ACER2: variants seen among roughly 807,000 people sequenced by gnomAD.
ACER2 encodes the protein alkaline ceramidase 2, also known as alkCDase 2.
A neutral mutation model predicts 34.7 loss-of-function variants in ACER2; 26 were observed. The ratio of observed to expected loss-of-function variants is 0.75; its 90% CI spans 0.55 to 1.04. ACER2 has a LOEUF of 1.04. Ranked by LOEUF, ACER2 falls within the 50% of genes least tolerant of loss-of-function variation. The probability of loss-of-function intolerance (pLI) is 0.00; values close to 1 mark genes in which losing one functional copy is unlikely to be tolerated. For synonymous variants in ACER2, 138 were observed against 132.1 expected (o/e 1.04, Z -0.31); for missense variants, 352 against 340.8 (o/e 1.03, Z -0.26).
At chr9:19,415,143 G>T (rs530840455) in intron 1 of ACER2, among the ~76,000 whole-genome samples, 1 of 152,282 alleles carries the variant, frequency 6.6e-6, no homozygotes, top group African/African-American at 2.4e-5. Context: ...AGTATTATTT[G>T]AAGCATATGG....
intron 1 of ACER2, chr9:19,409,995 TC>T: frequency 1.1e-6 from 1 of 939,102 alleles, no homozygotes; most frequent in African/African-American, 1.8e-5. Context: ...AGGAAATGCC[TC>T]TTATTTTGTG....
At chr9:19,442,955 C>G (rs1223179094) in intron 4 of ACER2, among the ~76,000 whole-genome samples, 1 of 151,822 alleles carries the variant, frequency 6.6e-6, no homozygotes, top group African/African-American at 2.4e-5. Flanking sequence ...ACCTCAGCCT[C>G]CCGAGTAGCT....
At chr9:19,424,576 T>C (rs990731932) in intron 2 of ACER2, 124 bp from the exon 3 acceptor site, 9 of 1,496,340 alleles carry the variant, frequency 6.0e-6, no homozygotes, top group Non-Finnish European at 7.1e-6. Context: ...TCAGTTTCTT[T>C]TTTCAGAGAG....
At chr9:19,429,176 G>T (rs573107784) in intron 3 of ACER2, among the ~76,000 whole-genome samples, 1 of 152,092 alleles carries the variant, frequency 6.6e-6, no homozygotes, top group East Asian at 1.9e-4. Flanking sequence ...TAAATGTTGG[G>T]TTTATAGAAA....
At chr9:19,414,443 T>A (rs1269385298) in intron 1 of ACER2, among the ~76,000 whole-genome samples, 1 of 152,228 alleles carries the variant, frequency 6.6e-6, no homozygotes, top group Non-Finnish European at 1.5e-5. Context: ...GCAAATGTTA[T>A]GTGGAAATTC....
chr9:19,441,813 G>T (rs1831165584), intron 4 of ACER2, among the ~76,000 whole-genome samples: 1 of 152,276 alleles, frequency 6.6e-6, no homozygotes, highest in South Asian at 2.1e-4. Context: ...TTGTTTCCCT[G>T]CTTTGATAAA....
chr9:19,424,700 G>T lies in ACER2; in HGVS notation c.224G>T (p.Gly75Val), dbSNP rs777627557. Residue 75 changes from glycine to valine, a missense_variant and splice_region_variant, in exon 3 of 6, where the codon GGA (glycine) becomes GTA (valine). Physicochemically the swap from Gly to Val is moderately radical, Grantham distance 109. Transcript: ENST00000340967. ...YLIWTLLVVV[G>V]IGSVYFHATL... Reference sequence around the variant, plus strand: ...TTTTATTGGTTGTAATTGATTCTAGGAATTGGATCCGTCTACTTCCATGCA... The same window carrying T: ...TTTTATTGGTTGTAATTGATTCTAGTAATTGGATCCGTCTACTTCCATGCA... 2 of 1,613,052 alleles carry T rather than the reference G, an allele frequency of 1.2e-6. No individual in the cohort carries two copies.
chr9:19,444,840 C>A (rs1216955412), intron 4 of ACER2, among the ~76,000 whole-genome samples: 1 of 152,226 alleles, frequency 6.6e-6, no homozygotes, highest in Non-Finnish European at 1.5e-5. Flanking sequence ...CTCCCCATGT[C>A]ATCGGCCTCT....
chr9:19,438,744 A>G (rs1481600976), intron 4 of ACER2, among the ~76,000 whole-genome samples: 3 of 152,172 alleles, frequency 2.0e-5, no homozygotes, highest in Non-Finnish European at 4.4e-5. Context: ...TTAGCTTATA[A>G]TTTTGTTATA....
intron 1 of ACER2, among the ~76,000 whole-genome samples, chr9:19,415,852 C>T (rs1201268663): frequency 6.6e-6 from 1 of 151,802 alleles, no homozygotes; most frequent in African/African-American, 2.4e-5. Flanking sequence ...GGCTAAACTG[C>T]TCCCATCTGC....
intron 1 of ACER2, among the ~76,000 whole-genome samples, chr9:19,419,804 A>G (rs1830346307): frequency 6.6e-6 from 1 of 152,048 alleles, no homozygotes; most frequent in Non-Finnish European, 1.5e-5. Context: ...AACCAACTAG[A>G]AAAAGGTACC....
chr9:19,448,470 C>G (rs1459672420), intron 5 of ACER2, among the ~76,000 whole-genome samples: 1 of 152,210 alleles, frequency 6.6e-6, no homozygotes, highest in African/African-American at 2.4e-5. Flanking sequence ...ACCAACCTCT[C>G]TCTGATAACG....
intron 1 of ACER2, among the ~76,000 whole-genome samples, chr9:19,416,692 ATT>A (rs35209835): frequency 6.9e-6 from 1 of 144,450 alleles, no homozygotes; most frequent in African/African-American, 2.5e-5. Context: ...TGCCCAGCTA[ATT>A]TTTTTTTTTT....
chr9:19,412,635 C>G (rs772842195), intron 1 of ACER2, among the ~76,000 whole-genome samples: 2 of 127,158 alleles, frequency 1.6e-5, no homozygotes, highest in African/African-American at 3.1e-5. Context: ...CTAGCCTGGG[C>G]AACAGAGCAA....
intron 4 of ACER2, 30 bp from the exon 5 acceptor site, chr9:19,446,251 C>T (rs747297231): frequency 8.7e-6 from 14 of 1,613,924 alleles, no homozygotes; most frequent in African/African-American, 4.0e-5. Flanking sequence ...CAAGGTCTGA[C>T]GATGAGTGAC....
At chr9:19,430,946 A>G (rs1304235360) in intron 3 of ACER2, among the ~76,000 whole-genome samples, 1 of 151,970 alleles carries the variant, frequency 6.6e-6, no homozygotes, top group Admixed American at 6.6e-5. Context: ...TGACAGAGTG[A>G]GACTCTGTCT....
chr9:19,448,381 C>A (rs1831444505), intron 5 of ACER2, among the ~76,000 whole-genome samples: 1 of 152,112 alleles, frequency 6.6e-6, no homozygotes. Context: ...AGACATCATT[C>A]CATACCAATA....
chr9:19,410,112 TG>T (rs965869871), intron 1 of ACER2, among the ~76,000 whole-genome samples: 1 of 152,246 alleles, frequency 6.6e-6, no homozygotes, highest in African/African-American at 2.4e-5. Flanking sequence ...ACTCCTGGTT[TG>T]GGTCATTGTG....
intron 5 of ACER2, among the ~76,000 whole-genome samples, chr9:19,448,977 A>G (rs954385162): frequency 6.6e-6 from 1 of 152,140 alleles, no homozygotes; most frequent in Non-Finnish European, 1.5e-5. Context: ...CGTCTCTACT[A>G]AAAATGCAAA....
Sources: allele counts gnomAD v4.1 joint callset (sites outside exome capture counted in the v4.1 genomes callset), GRCh38; gene constraint gnomAD v4.1.1; transcripts MANE v1.5; gene names NCBI Gene and HGNC (gene_info 2026-07-23, HGNC 2026-07-21).